The following IL1RAPL1 variants were observed in gnomAD, a reference collection of about 807,000 sequenced individuals.
The protein encoded by IL1RAPL1 is interleukin 1 receptor accessory protein like 1.
IL1RAPL1 carries 3 observed loss-of-function variants against 48.4 expected under a neutral mutation model. The ratio of observed to expected loss-of-function variants is 0.06; its 90% CI spans 0.03 to 0.16. The LOEUF (loss-of-function observed/expected upper bound fraction) is 0.16. IL1RAPL1 is among the 10% of genes least tolerant of loss of function. The probability of loss-of-function intolerance (pLI) is 1.00; values close to 1 mark genes in which losing one functional copy is unlikely to be tolerated. For synonymous variants in IL1RAPL1, 185 were observed against 187.7 expected, an observed-to-expected ratio of 0.99 and a Z score of 0.12; for missense variants, 349 against 530.6, an observed-to-expected ratio of 0.66 and a Z score of 3.36.
intron 2 of IL1RAPL1, among the ~76,000 whole-genome samples, chrX:28,820,421 G>A (rs753762642): frequency 1.8e-5 from 2 of 110,882 alleles, no homozygotes; most frequent in Non-Finnish European, 3.8e-5. Context: ...TACCACTTTT[G>A]ATGTTTCTCA....
intron 2 of IL1RAPL1, among the ~76,000 whole-genome samples, chrX:29,123,954 T>C (rs187048470): frequency 5.5e-4 from 61 of 111,803 alleles, no homozygotes; most frequent in Non-Finnish European, 1.0e-3. Flanking sequence ...AGGGTTTTTT[T>C]CACCTAGTTT....
intron 6 of IL1RAPL1, among the ~76,000 whole-genome samples, chrX:29,782,888 A>ATTTTTTTTTTTTTTTTTTTTT (rs780831874): frequency 3.2e-5 from 1 of 31,069 alleles, no homozygotes; most frequent in African/African-American, 1.3e-4. Flanking sequence ...TGATCGTGAC[A>ATTTTTTTTTTTTTTTTTTTTT]TTTTTTTTTT....
At chrX:29,672,580 C>A (rs144100940) in intron 6 of IL1RAPL1, among the ~76,000 whole-genome samples, 2,415 of 111,388 alleles carry the variant, frequency 0.022, 60 homozygotes, top group African/African-American at 0.075. Flanking sequence ...TCTATAATCT[C>A]TATCCATTTT....
chrX:28,629,111 G>A (rs1934372830), intron 1 of IL1RAPL1, among the ~76,000 whole-genome samples: 1 of 111,550 alleles, frequency 9.0e-6, no homozygotes, highest in Non-Finnish European at 1.9e-5. Flanking sequence ...GAGGGACGAT[G>A]ATTTTGCCAA....
chrX:28,754,917 C>A (rs1380941629), intron 1 of IL1RAPL1, among the ~76,000 whole-genome samples: 1 of 112,296 alleles, frequency 8.9e-6, no homozygotes, highest in Non-Finnish European at 1.9e-5. Context: ...TAATTTATTT[C>A]TTTGATTACA....
rs1371177355 is a variant in IL1RAPL1 at position 28,957,502 on chromosome X, T to G, written c.82+168077T>G. Among the ~76,000 whole-genome samples the G allele has an allele frequency of 5.4e-5, 6 of 111,933 alleles. 1 individual carries two copies. The East Asian group carries it at 1.1e-3, about 21-fold the overall frequency. ...ATGTGTTAAATATGTAATTATTATTTGCACATATTTTACCTATTCCAATGT... is the reference window on the plus strand; with the variant it reads ...ATGTGTTAAATATGTAATTATTATTGGCACATATTTTACCTATTCCAATGT... On this transcript the variant is annotated intron_variant, in intron 2 of 10. Coordinates refer to ENST00000378993, the MANE Select transcript of IL1RAPL1 (RefSeq NM_014271.4).
chrX:28,638,013 T>G (rs931345550), intron 1 of IL1RAPL1, among the ~76,000 whole-genome samples: 39 of 112,118 alleles, frequency 3.5e-4, no homozygotes, highest in African/African-American at 1.2e-3. Flanking sequence ...AAGATTCTTG[T>G]TGTATATATC....
intron 5 of IL1RAPL1, among the ~76,000 whole-genome samples, chrX:29,623,063 G>A (rs1313527413): frequency 9.5e-6 from 1 of 105,301 alleles, no homozygotes; most frequent in East Asian, 3.0e-4. Flanking sequence ...GAGGTCAGGA[G>A]ATCGAGACCA....
chrX:29,487,304 T>A (rs1461867483), intron 5 of IL1RAPL1, among the ~76,000 whole-genome samples: 2 of 112,052 alleles, frequency 1.8e-5, no homozygotes, highest in Non-Finnish European at 3.8e-5. Context: ...TGTTGAGTTT[T>A]GTTGTCAGTG....
At chrX:29,893,794 T>C (rs2147222373) in intron 6 of IL1RAPL1, among the ~76,000 whole-genome samples, 1 of 111,568 alleles carries the variant, frequency 9.0e-6, no homozygotes, top group South Asian at 3.8e-4. Context: ...CTATTTTCCA[T>C]GAATAGACAC....
intron 8 of IL1RAPL1, among the ~76,000 whole-genome samples, chrX:29,932,778 ATTAT>A (rs200037927): frequency 1.7e-4 from 19 of 111,462 alleles, no homozygotes; most frequent in East Asian, 1.7e-3. Flanking sequence ...TCTTATTATT[ATTAT>A]TTATTATTAT....
At chrX:29,571,874 A>G (rs1378292956) in intron 5 of IL1RAPL1, among the ~76,000 whole-genome samples, 1 of 111,736 alleles carries the variant, frequency 8.9e-6, no homozygotes, top group African/African-American at 3.3e-5. Flanking sequence ...CTTAGAGTTT[A>G]ACGATGCCCT....
intron 6 of IL1RAPL1, among the ~76,000 whole-genome samples, chrX:29,844,788 C>G (rs1384992972): frequency 8.9e-6 from 1 of 111,994 alleles, no homozygotes; most frequent in Non-Finnish European, 1.9e-5. Context: ...ACCAATCCTT[C>G]TTGGATACAA....
chrX:29,273,300 TGGCAC>T (rs1932070901), intron 2 of IL1RAPL1, among the ~76,000 whole-genome samples: 1 of 111,714 alleles, frequency 9.0e-6, no homozygotes, highest in Non-Finnish European at 1.9e-5. Context: ...GTCCTTTGAA[TGGCAC>T]TTTTTGCTTT....
At chrX:29,918,144 A>ATAT (rs1555935867) in intron 7 of IL1RAPL1, among the ~76,000 whole-genome samples, 39 of 23,748 alleles carry the variant, frequency 1.6e-3, no homozygotes, top group South Asian at 6.6e-3. Context: ...AAAAAAAAAA[A>ATAT]ATATATATAT....
At chrX:29,116,136 T>A (rs1202184737) in intron 2 of IL1RAPL1, among the ~76,000 whole-genome samples, 1 of 111,642 alleles carries the variant, frequency 9.0e-6, no homozygotes, top group Non-Finnish European at 1.9e-5. Flanking sequence ...ATAATTAATT[T>A]TATTTAAATG....
At chrX:29,676,381 C>T (rs969706874) in intron 6 of IL1RAPL1, among the ~76,000 whole-genome samples, 13 of 111,811 alleles carry the variant, frequency 1.2e-4, no homozygotes, top group Non-Finnish European at 2.1e-4. Context: ...TATATTCTTA[C>T]TACAGTATCA....
intron 6 of IL1RAPL1, among the ~76,000 whole-genome samples, chrX:29,755,411 A>T (rs764933084): frequency 9.0e-6 from 1 of 111,403 alleles, no homozygotes; most frequent in East Asian, 2.8e-4. Context: ...TGCTCAAATT[A>T]TTGAAGACTC....
chrX:29,644,222 C>T (rs1045736054), intron 5 of IL1RAPL1, among the ~76,000 whole-genome samples: 2 of 112,311 alleles, frequency 1.8e-5, no homozygotes, highest in African/African-American at 6.5e-5. Flanking sequence ...CACAGTAAAA[C>T]AGCTTTGTAG....
Sources: allele counts gnomAD v4.1 joint callset (sites outside exome capture counted in the v4.1 genomes callset), GRCh38; gene constraint gnomAD v4.1.1; transcripts MANE v1.5; gene names NCBI Gene and HGNC (gene_info 2026-07-23, HGNC 2026-07-21).